TP53BP1: variants seen among roughly 807,000 people sequenced by gnomAD.
TP53BP1 encodes TP53-binding protein 1.
In TP53BP1, 61 loss-of-function variants were observed where a neutral mutation model predicts 200.8. The observed-to-expected ratio is 0.30, with a 90% CI of 0.25 to 0.38. TP53BP1 has a LOEUF of 0.38. TP53BP1 is among the 10% of genes least tolerant of loss of function. TP53BP1 has a pLI of 1.00. For missense variants in TP53BP1, 2,144 were observed against 2,371.9 expected (o/e 0.90, Z 2.00); for synonymous variants, 822 against 844.3 (o/e 0.97, Z 0.46).
At chr15:43,477,264 C>T (rs1244469006) in intron 8 of TP53BP1, among the ~76,000 whole-genome samples, 1 of 147,134 alleles carries the variant, frequency 6.8e-6, no homozygotes, top group Non-Finnish European at 1.5e-5. Context: ...TGCGCCACTG[C>T]ACTCCAGCCT....
At position 43,428,017 on chromosome 15, in the gene TP53BP1, T is replaced by C; in HGVS notation, c.3827A>G (p.Glu1276Gly). 6.3e-7 allele frequency: 1 copy of C among 1,594,006 alleles called. No homozygotes were observed. Among genetic ancestry groups the C allele is most frequent in the Non-Finnish European group, 8.6e-7 (1 of 1,165,802 alleles). Residue 1276 changes from glutamate (E) to glycine (G), a missense_variant and splice_region_variant, in exon 18 of 28, where the codon GAG (glutamate) becomes GGG (glycine). Glu to Gly is a moderately conservative substitution (Grantham distance 98). Coordinates refer to ENST00000382044, the MANE Select transcript of TP53BP1 (RefSeq NM_001141980.3). Reference sequence around the variant, plus strand: ...ACACAGACTCAGAGTATGTATTACCTCAGTTACTTTTCTTTCTACTTCTGT... The same window carrying C: ...ACACAGACTCAGAGTATGTATTACCCCAGTTACTTTTCTTTCTACTTCTGT... ...DGTEVERKVT[E>G]ETEEPIVECQ...
chr15:43,481,674 G>C (rs1435504579), intron 4 of TP53BP1, among the ~76,000 whole-genome samples: 1 of 151,090 alleles, frequency 6.6e-6, no homozygotes, highest in Non-Finnish European at 1.5e-5. Context: ...AATTAGCTGG[G>C]TGTGGTGGCA....
In TP53BP1 at chr15:43,444,923, C is replaced by T. The variant is rs201269562; in HGVS notation, c.3040+1464G>A. Among the ~76,000 whole-genome samples, 4 of 152,052 alleles carry T rather than the reference C, an allele frequency of 2.6e-5. No homozygotes were observed. In the East Asian group the frequency reaches 7.7e-4, roughly 29 times the overall value. The stretch of plus-strand genomic sequence containing the variant: ...CTTAACCCATTTATGCTGGAGGTTG[C>T]AAATTTTTTTTTGTGAAAAATCAGA... On this transcript the variant is annotated intron_variant, in intron 14 of 27. Coordinates refer to ENST00000382044, the MANE Select transcript of TP53BP1 (RefSeq NM_001141980.3).
intron 19 of TP53BP1, 69 bp from the exon 20 acceptor site, chr15:43,421,243 T>C: frequency 6.4e-7 from 1 of 1,550,778 alleles, no homozygotes; most frequent in African/African-American, 1.4e-5. Flanking sequence ...AGTCTCCCCT[T>C]GGCCCTCAGA....
intron 21 of TP53BP1, chr15:43,416,843 A>G: frequency 6.4e-6 from 1 of 156,070 alleles, no homozygotes; most frequent in Non-Finnish European, 1.4e-5. Flanking sequence ...TCATTCTAAG[A>G]GAGACAGCAT....
chr15:43,452,922 C>T (rs1185495121), intron 12 of TP53BP1, among the ~76,000 whole-genome samples: 2 of 152,082 alleles, frequency 1.3e-5, no homozygotes, highest in African/African-American at 4.8e-5. Context: ...AGGCCGGGCG[C>T]GGTGGCTCAC....
chr15:43,489,357 T>C (rs2079089677), intron 4 of TP53BP1, among the ~76,000 whole-genome samples: 1 of 152,234 alleles, frequency 6.6e-6, no homozygotes. Flanking sequence ...ATGAGGGACG[T>C]GCATACTTCC....
At chr15:43,414,504 A>T (rs2045213158) in intron 23 of TP53BP1, among the ~76,000 whole-genome samples, 1 of 152,164 alleles carries the variant, frequency 6.6e-6, no homozygotes, top group Admixed American at 6.5e-5. Flanking sequence ...GAGTTTCATC[A>T]GTTTGCTAGC....
chr15:43,427,017 CAAA>C (rs1230749433), intron 18 of TP53BP1, among the ~76,000 whole-genome samples: 12 of 67,640 alleles, frequency 1.8e-4, no homozygotes, highest in African/African-American at 1.1e-4. Context: ...GACTCTGCCT[CAAA>C]AAAAAAAAAA....
At chr15:43,407,613 C>CTT (rs1197740628) in intron 27 of TP53BP1, 43 bp from the exon 28 acceptor site, 10 of 1,555,842 alleles carry the variant, frequency 6.4e-6, no homozygotes, top group Non-Finnish European at 8.8e-6. Flanking sequence ...GGACACTCAA[C>CTT]TTAGCCCTCC....
chr15:43,465,918 G>A (rs2046567070), intron 11 of TP53BP1, among the ~76,000 whole-genome samples: 2 of 152,122 alleles, frequency 1.3e-5, no homozygotes, highest in Admixed American at 1.3e-4. Flanking sequence ...GCCTCCCAAA[G>A]TGCTAAGATT....
chr15:43,410,862 C>G (rs2045096504), intron 24 of TP53BP1, among the ~76,000 whole-genome samples: 1 of 152,218 alleles, frequency 6.6e-6, no homozygotes, highest in Non-Finnish European at 1.5e-5. Context: ...AACCTATTCA[C>G]TTTTACTGCT....
chr15:43,492,560 C>G (rs570530885), intron 1 of TP53BP1, 92 bp from the exon 2 acceptor site: 1 of 1,053,078 alleles, frequency 9.5e-7, no homozygotes, highest in East Asian at 2.4e-5. Context: ...AGTACAAGAG[C>G]TGGGAAACGG....
chr15:43,420,637 T>A lies in TP53BP1; in HGVS notation c.4349A>T (p.Asp1450Val). ...ACCCACATCTGTTCGTCTGGTGGAG[T>A]CTGGCACTCGGGGCACGACACGGCT... ...SFSRVVPRVPDSTRRTDVGAG... is the reference protein window; with the variant it reads ...SFSRVVPRVPVSTRRTDVGAG... Residue 1450 changes from aspartate (D) to valine (V), a missense_variant, in exon 21 of 28, where the codon GAC becomes GTC. Coordinates refer to ENST00000382044, the MANE Select transcript of TP53BP1 (RefSeq NM_001141980.3). 6.2e-7 allele frequency: 1 copy of A among 1,614,092 alleles called. No individual in the cohort carries two copies. Among genetic ancestry groups the A allele is most frequent in the Non-Finnish European group, 8.5e-7 (1 of 1,180,000 alleles).
intron 12 of TP53BP1, among the ~76,000 whole-genome samples, chr15:43,448,277 T>C (rs971220712): frequency 6.6e-6 from 1 of 152,192 alleles, no homozygotes; most frequent in African/African-American, 2.4e-5. Flanking sequence ...CGTCAAAAAA[T>C]CACATTTTCT....
intron 4 of TP53BP1, among the ~76,000 whole-genome samples, chr15:43,482,200 G>A (rs567850696): frequency 6.6e-6 from 1 of 152,068 alleles, no homozygotes; most frequent in South Asian, 2.1e-4. Context: ...CTGCACTCCA[G>A]CCTGGGCGAC....
At chr15:43,455,790 A>G in intron 12 of TP53BP1, 102 bp downstream of exon 12, 3 of 1,372,184 alleles carry the variant, frequency 2.2e-6, no homozygotes, top group Non-Finnish European at 2.0e-6. Context: ...AACATAAACC[A>G]AAGATAGTGT....
intron 18 of TP53BP1, among the ~76,000 whole-genome samples, chr15:43,426,929 A>G (rs2045550240): frequency 6.6e-6 from 1 of 151,738 alleles, no homozygotes. Context: ...GAGCCAGGAA[A>G]ATCACTTGAA....
In TP53BP1 at chr15:43,493,070, G is replaced by A. The variant is rs751303006; in HGVS notation, c.-27C>T. ...CCGGCGGGAGGTCCCTCGCGCTCGAGCTAGAGGTCTCTGCACGCTCCCCAA... is the reference window on the plus strand; with the variant it reads ...CCGGCGGGAGGTCCCTCGCGCTCGAACTAGAGGTCTCTGCACGCTCCCCAA... On this transcript the variant is annotated 5_prime_UTR_variant, in exon 1 of 28. Transcript: ENST00000382044. 1.2e-6 allele frequency: 2 copies of A among 1,612,574 alleles called. No homozygotes were observed. Among genetic ancestry groups the A allele is most frequent in the African/African-American group, 1.3e-5 (1 of 74,912 alleles).
Sources: gnomAD v4.1 joint callset for allele counts (sites outside exome capture counted in the v4.1 genomes callset) on GRCh38, gnomAD v4.1.1 for gene constraint, MANE v1.5 for transcripts, NCBI Gene and HGNC (gene_info 2026-07-23, HGNC 2026-07-21) for gene names.